MEIOB: variants seen among roughly 807,000 people sequenced by gnomAD.
MEIOB encodes meiosis specific with OB-fold.
Under a neutral mutation model 53.1 loss-of-function variants are expected in MEIOB, and 50 were observed. The ratio of observed to expected loss-of-function variants is 0.94; its 90% CI spans 0.75 to 1.19. The LOEUF (loss-of-function observed/expected upper bound fraction) is 1.19. Among genes scored for constraint, MEIOB ranks in the 50% most tolerant of loss-of-function variants. MEIOB has a pLI of 0.00. For synonymous variants in MEIOB, 192 were observed against 182.5 expected, an observed-to-expected ratio of 1.05 and a Z score of -0.42; for missense variants, 551 against 550.8, an observed-to-expected ratio of 1.00 and a Z score of 0.00.
chr16:1,859,667 A>G (rs1028651551), intron 5 of MEIOB, among the ~76,000 whole-genome samples: 12 of 152,236 alleles, frequency 7.9e-5, no homozygotes, highest in Admixed American at 3.3e-4. Flanking sequence ...AGAGTCTGGC[A>G]TAAGATGAGG....
At chr16:1,856,853 T>C (rs1047803085) in intron 6 of MEIOB, among the ~76,000 whole-genome samples, 2 of 137,350 alleles carry the variant, frequency 1.5e-5, no homozygotes, top group African/African-American at 5.5e-5. Context: ...AACCTCAACC[T>C]CCCAGGCTCA....
intron 1 of MEIOB, among the ~76,000 whole-genome samples, chr16:1,871,492 T>A (rs1242955262): frequency 6.4e-5 from 9 of 140,638 alleles, no homozygotes; most frequent in Admixed American, 2.9e-4. Context: ...GTGCTGGGAT[T>A]ACAGGCTTGA....
intron 2 of MEIOB, among the ~76,000 whole-genome samples, chr16:1,866,051 A>T (rs907269313): frequency 6.6e-6 from 1 of 152,254 alleles, no homozygotes; most frequent in Non-Finnish European, 1.5e-5. Flanking sequence ...AACTACTATT[A>T]CAAATATAAT....
In MEIOB at chr16:1,844,920, A is replaced by G; in HGVS notation, c.822T>C (p.Asn274=). The part of the protein sequence containing the change: ...ANILLNFIRE[N]KETNVLDDEI... ...CATCATCCAGAACATTCGTTTCTTT[A>G]TTTTCTCGTATAAAATTCAGCAGAA... The change falls in exon 10 of 14, where the codon AAT becomes AAC. Residue 274 remains asparagine (N), a synonymous_variant. Coordinates refer to ENST00000325962, the MANE Select transcript of MEIOB (RefSeq NM_001163560.3). 1 of 1,559,128 alleles carries G rather than the reference A, an allele frequency of 6.4e-7. No homozygotes were observed. The highest frequency in any genetic ancestry group is 2.3e-5 in the East Asian group (1 of 44,056).
chr16:1,861,953 T>C, intron 4 of MEIOB, 32 bp downstream of exon 4: 3 of 1,542,584 alleles, frequency 1.9e-6, no homozygotes, highest in Non-Finnish European at 2.6e-6. Flanking sequence ...AACACTATGA[T>C]GGAAAAAGTT....
intron 10 of MEIOB, 114 bp downstream of exon 10, chr16:1,844,748 G>A (rs1399294962): frequency 1.7e-5 from 10 of 581,430 alleles, no homozygotes; most frequent in African/African-American, 3.9e-5. Flanking sequence ...TTAGAAAGTA[G>A]AAATATAGTA....
intron 2 of MEIOB, among the ~76,000 whole-genome samples, chr16:1,867,682 G>C (rs1285754144): frequency 2.0e-5 from 3 of 151,854 alleles, no homozygotes; most frequent in Admixed American, 2.0e-4. Context: ...ATGTTGATCA[G>C]GCTGGTCTCA....
At chr16:1,864,105 T>G (rs1248008514) in intron 3 of MEIOB, among the ~76,000 whole-genome samples, 1 of 152,204 alleles carries the variant, frequency 6.6e-6, no homozygotes, top group Non-Finnish European at 1.5e-5. Flanking sequence ...TGAGCTGTAT[T>G]CACATTGCTG....
intron 11 of MEIOB, among the ~76,000 whole-genome samples, chr16:1,841,456 A>C (rs1898909715): frequency 6.6e-6 from 1 of 152,208 alleles, no homozygotes; most frequent in Non-Finnish European, 1.5e-5. Flanking sequence ...CTGAGACTAC[A>C]GGCGCATGCT....
chr16:1,837,710 T>C lies in MEIOB; in HGVS notation c.1305+74A>G, dbSNP rs887247183. The C allele has an allele frequency of 2.4e-5, 18 of 762,486 alleles. No homozygotes were observed. The African/African-American group carries it at 3.0e-4, about 13-fold the overall frequency. The allele number at this position is 762,486 out of a possible 1,614,324, so 47.2% of individuals were successfully genotyped here. On this transcript the variant is annotated intron_variant, in intron 13 of 13. Transcript: ENST00000325962. The stretch of plus-strand genomic sequence containing the variant: ...GAAATAATAAATTCTCGAATTTATC[T>C]AGGTTTTTCTTATGGTTTGAATATA...
Position 1,853,235 on chromosome 16 carries a change from C to G in MEIOB, c.666G>C (p.Trp222Cys). ...DNESILLAQS[W>C]MPRETVIFAS... ...TGATAATACCTGTTTCTCGTGGCAT[C>G]CAGCTCTGTGCAAGTAGAATGGATT... The change falls in exon 8 of 14, where the codon TGG becomes TGC. Residue 222 changes from tryptophan (W) to cysteine (C), a missense_variant. Transcript: ENST00000325962. 6.4e-7 allele frequency: 1 copy of G among 1,551,964 alleles called. No homozygotes were observed. Among genetic ancestry groups the G allele is most frequent in the East Asian group, 2.4e-5 (1 of 40,936 alleles).
At chr16:1,835,969 A>G (rs1163644166) in intron 13 of MEIOB, among the ~76,000 whole-genome samples, 1 of 150,438 alleles carries the variant, frequency 6.6e-6, no homozygotes, top group Non-Finnish European at 1.5e-5. Flanking sequence ...AAGCAATTCT[A>G]CTGCCTCAGC....
At chr16:1,834,649 G>A (rs1055471352) in intron 13 of MEIOB, among the ~76,000 whole-genome samples, 2 of 152,192 alleles carry the variant, frequency 1.3e-5, no homozygotes, top group African/African-American at 2.4e-5. Context: ...TAATGTGGCC[G>A]GGTGCTGGTG....
intron 6 of MEIOB, among the ~76,000 whole-genome samples, 179 bp from the exon 7 acceptor site, chr16:1,854,379 A>G (rs1189546821): frequency 6.6e-6 from 1 of 152,252 alleles, no homozygotes; most frequent in African/African-American, 2.4e-5. Flanking sequence ...ACATGTACGT[A>G]GCTGAAGTTG....
intron 2 of MEIOB, 67 bp downstream of exon 2, chr16:1,868,040 A>T (rs2150825907): frequency 1.2e-6 from 1 of 828,618 alleles, no homozygotes; most frequent in South Asian, 1.7e-5. Flanking sequence ...ATGAATCAAT[A>T]ACATTGATGT....
At chr16:1,842,346 G>A (rs529732978) in intron 10 of MEIOB, among the ~76,000 whole-genome samples, 15 of 151,762 alleles carry the variant, frequency 9.9e-5, no homozygotes, top group African/African-American at 3.6e-4. Flanking sequence ...TGGGCACAGT[G>A]GCTCATGCCT....
At chr16:1,849,827 G>T (rs1899117768) in intron 9 of MEIOB, among the ~76,000 whole-genome samples, 1 of 152,096 alleles carries the variant, frequency 6.6e-6, no homozygotes, top group African/African-American at 2.4e-5. Flanking sequence ...TTCTTGAAAA[G>T]TACTGAGAAC....
rs577700083 is a variant in MEIOB, at chr16:1,865,540, CAT to C, written c.127+236_127+237del. Among the ~76,000 whole-genome samples, 225 of 151,176 alleles carry C rather than the reference CAT, an allele frequency of 1.5e-3. 1 individual carries two copies. Among genetic ancestry groups the C allele is most frequent in the African/African-American group, 5.0e-3 (206 of 41,086 alleles). ...ACACATACACACGTGTGTGTATACACATAAACATATATACACATATGTGTGTA... is the reference window on the plus strand; with the variant it reads ...ACACATACACACGTGTGTGTATACACAAACATATATACACATATGTGTGTA... On this transcript the variant is annotated intron_variant, in intron 3 of 13. Coordinates refer to ENST00000325962, the MANE Select transcript of MEIOB (RefSeq NM_001163560.3).
chr16:1,851,201 C>G (rs1396796298), intron 9 of MEIOB, among the ~76,000 whole-genome samples: 3 of 152,162 alleles, frequency 2.0e-5, no homozygotes, highest in Non-Finnish European at 4.4e-5. Context: ...GGTGCCCCAT[C>G]TCTTCTCAGA....
Sources: allele counts gnomAD v4.1 joint callset (sites outside exome capture counted in the v4.1 genomes callset), GRCh38; gene constraint gnomAD v4.1.1; transcripts MANE v1.5; gene names NCBI Gene and HGNC (gene_info 2026-07-23, HGNC 2026-07-21).